The following ADARB2 variants were observed in gnomAD, a reference collection of about 807,000 sequenced individuals.
ADARB2 encodes the protein adenosine deaminase RNA specific B2 (inactive), also known as inactive double-stranded RNA-specific editase B2.
In ADARB2, 25 loss-of-function variants were observed where a neutral mutation model predicts 62.2. The observed-to-expected ratio is 0.40, with a 90% CI of 0.29 to 0.56. ADARB2 has a LOEUF of 0.56. Among genes scored for constraint, ADARB2 ranks in the 20% least tolerant of loss-of-function variants. The pLI is 0.43. For missense variants in ADARB2, 1,071 were observed against 1,077.4 expected (o/e 0.99, Z 0.08); for synonymous variants, 572 against 500.8 (o/e 1.14, Z -1.90).
chr10:1,241,292 T>G (rs1373505749), intron 5 of ADARB2, among the ~76,000 whole-genome samples: 1 of 152,128 alleles, frequency 6.6e-6, no homozygotes, highest in Non-Finnish European at 1.5e-5. Context: ...TGTTAAGGTG[T>G]TGTTTTCAGC....
intron 7 of ADARB2, among the ~76,000 whole-genome samples, chr10:1,211,455 A>T (rs1184761876): frequency 2.0e-5 from 3 of 152,146 alleles, no homozygotes; most frequent in Admixed American, 6.6e-5. Flanking sequence ...CAGACACTGA[A>T]TGCATGACGT....
In ADARB2 at chr10:1,178,956, T is replaced by C. The variant is rs1564211705; in HGVS notation, c.*4237A>G. On this transcript the variant is annotated 3_prime_UTR_variant, in exon 10 of 10. Transcript: ENST00000381312. ...GGTCTCTGTTAGAAAGTGATACTTA[T>C]TGTATTTTGGGCCAATTAGTCAGAT... 6.6e-6 allele frequency: 1 copy of C among 152,220 alleles called. No homozygotes were observed. The highest frequency in any genetic ancestry group is 1.5e-5 in the Non-Finnish European group (1 of 68,042). The allele number at this position is 152,220 out of a possible 1,614,324, so 9.4% of individuals were successfully genotyped here. A position where few individuals can be genotyped will look rare whatever the true frequency, so the allele number is the denominator to read the frequency against.
At chr10:1,457,863 A>AAAAATCATCCCTCTGCCC (rs138353125) in intron 1 of ADARB2, among the ~76,000 whole-genome samples, 101,039 of 151,314 alleles carry the variant, frequency 0.67, 34,501 homozygotes, top group Non-Finnish European at 0.75. Flanking sequence ...AGACTGGAAC[A>AAAAATCATCCCTCTGCCC]AAAATCATCC....
intron 1 of ADARB2, among the ~76,000 whole-genome samples, chr10:1,625,980 G>T (rs904725437): frequency 8.6e-4 from 85 of 98,714 alleles, no homozygotes; most frequent in Middle Eastern, 6.4e-3. Context: ...GCCCACGCTC[G>T]CTCCAGCATG....
At chr10:1,528,817 A>G (rs1832181776) in intron 1 of ADARB2, among the ~76,000 whole-genome samples, 1 of 152,234 alleles carries the variant, frequency 6.6e-6, no homozygotes, top group African/African-American at 2.4e-5. Context: ...TGACACCAGC[A>G]GAATGTGTGG....
At chr10:1,641,550 G>A (rs1046323049) in intron 1 of ADARB2, among the ~76,000 whole-genome samples, 4 of 152,202 alleles carry the variant, frequency 2.6e-5, no homozygotes, top group Non-Finnish European at 1.5e-5. Flanking sequence ...GCAGCAGAAA[G>A]CTGATTCTTT....
At chr10:1,530,742 G>A (rs1242884062) in intron 1 of ADARB2, among the ~76,000 whole-genome samples, 1 of 152,188 alleles carries the variant, frequency 6.6e-6, no homozygotes, top group African/African-American at 2.4e-5. Flanking sequence ...GGCATCTCTG[G>A]GTTCTCTCTC....
chr10:1,233,799 C>G lies in ADARB2; in HGVS notation c.1408G>C (p.Glu470Gln), dbSNP rs975447037. The G allele has an allele frequency of 1.2e-6, 2 of 1,613,924 alleles. No individual in the cohort carries two copies. The highest frequency in any genetic ancestry group is 2.7e-5 in the African/African-American group (2 of 74,888). Reference protein sequence around the residue: ...SERSIFVRLKEGGYRLRENIL... With the variant: ...SERSIFVRLKQGGYRLRENIL... ...TTCTCTCGCAGCCGGTAGCCACCTTCTTTTAACCGCACGAATATCGATCGC... is the reference window on the plus strand; with the variant it reads ...TTCTCTCGCAGCCGGTAGCCACCTTGTTTTAACCGCACGAATATCGATCGC... The change falls in exon 6 of 10, where the codon GAA (glutamate) becomes CAA (glutamine). Residue 470 changes from glutamate (E) to glutamine (Q), a missense_variant. Glu to Gln is a conservative substitution (Grantham distance 29, BLOSUM62 2). Transcript: ENST00000381312.
chr10:1,685,549 A>G (rs1834587761), intron 1 of ADARB2, among the ~76,000 whole-genome samples: 1 of 152,192 alleles, frequency 6.6e-6, no homozygotes, highest in Non-Finnish European at 1.5e-5. Context: ...CTGGAACAAA[A>G]TTCTATAAAT....
intron 1 of ADARB2, among the ~76,000 whole-genome samples, chr10:1,419,083 T>A (rs1338006638): frequency 6.9e-6 from 1 of 145,934 alleles, no homozygotes; most frequent in Non-Finnish European, 1.5e-5. Context: ...CACAAAAATG[T>A]ACAGTGATGT....
intron 1 of ADARB2, among the ~76,000 whole-genome samples, chr10:1,469,125 C>G (rs1213177127): frequency 2.6e-5 from 4 of 152,198 alleles, no homozygotes; most frequent in African/African-American, 4.8e-5. Context: ...GCATAAAGTG[C>G]TGATCACAGA....
chr10:1,370,793 A>C (rs1318964391), intron 2 of ADARB2, among the ~76,000 whole-genome samples: 1 of 152,224 alleles, frequency 6.6e-6, no homozygotes, highest in Admixed American at 6.5e-5. Flanking sequence ...ACACTGATGA[A>C]AGAAATTGTA....
chr10:1,555,828 G>A (rs543727448), intron 1 of ADARB2, among the ~76,000 whole-genome samples: 17 of 152,172 alleles, frequency 1.1e-4, no homozygotes, highest in African/African-American at 3.9e-4. Flanking sequence ...CCAGCTACTC[G>A]GCAGGCTGAG....
At chr10:1,278,910 T>C (rs902160283) in intron 3 of ADARB2, among the ~76,000 whole-genome samples, 4 of 152,164 alleles carry the variant, frequency 2.6e-5, no homozygotes, top group Non-Finnish European at 5.9e-5. Context: ...GCACCATGAG[T>C]GATCATGGCT....
At chr10:1,230,980 G>A (rs753631906) in intron 6 of ADARB2, among the ~76,000 whole-genome samples, 11 of 152,174 alleles carry the variant, frequency 7.2e-5, no homozygotes, top group Admixed American at 1.3e-4. Context: ...CTCGGAGAAC[G>A]TATTTGTTTT....
At chr10:1,470,955 A>G (rs1263561416) in intron 1 of ADARB2, among the ~76,000 whole-genome samples, 2 of 152,164 alleles carry the variant, frequency 1.3e-5, no homozygotes, top group African/African-American at 4.8e-5. Context: ...GCTATTCGGG[A>G]GGCTGAGGCA....
At chr10:1,301,242 G>C (rs549712455) in intron 3 of ADARB2, among the ~76,000 whole-genome samples, 18 of 152,160 alleles carry the variant, frequency 1.2e-4, no homozygotes, top group Non-Finnish European at 1.3e-4. Flanking sequence ...AAGATAAAAT[G>C]TTTACTTAAT....
At chr10:1,499,558 C>G (rs534205575) in intron 1 of ADARB2, among the ~76,000 whole-genome samples, 3 of 151,952 alleles carry the variant, frequency 2.0e-5, no homozygotes, top group African/African-American at 7.2e-5. Context: ...TCACTCATCA[C>G]TCATCACTCA....
rs188167156 is a variant in ADARB2 at position 1,558,313 on chromosome 10, C to T, written c.100+178738G>A. 4.1e-4 allele frequency among the ~76,000 whole-genome samples: 57 copies of T among 140,114 alleles called. 1 individual carries two copies. The East Asian group carries it at 0.012, about 29-fold the overall frequency. The allele number at this position is 140,114 out of a possible 152,430, so 91.9% of individuals were successfully genotyped here. On this transcript the variant is annotated intron_variant, in intron 1 of 9. Transcript: ENST00000381312. ...CCCCTCCGTGGGTGCTCAGCCCCCA[C>T]GCACCCCATCTAAATCCGCATCCCA...
Sources: allele counts gnomAD v4.1 joint callset (sites outside exome capture counted in the v4.1 genomes callset), GRCh38; gene constraint gnomAD v4.1.1; transcripts MANE v1.5; gene names NCBI Gene and HGNC (gene_info 2026-07-23, HGNC 2026-07-21).